The following SERGEF variants were observed in gnomAD, a reference collection of about 807,000 sequenced individuals.
The protein encoded by SERGEF is secretion-regulating guanine nucleotide exchange factor.
A neutral mutation model predicts 50.0 loss-of-function variants in SERGEF; 51 were observed. The observed-to-expected ratio is 1.02, with a 90% CI of 0.81 to 1.29. SERGEF has a LOEUF of 1.29. SERGEF is among the 50% of genes most tolerant of loss of function. The pLI is 0.00. For missense variants in SERGEF, 521 were observed against 557.0 expected (o/e 0.94, Z 0.65); for synonymous variants, 205 against 212.4 (o/e 0.97, Z 0.30).
At chr11:17,904,154 G>T (rs1161530306) in intron 9 of SERGEF, among the ~76,000 whole-genome samples, 1 of 152,250 alleles carries the variant, frequency 6.6e-6, no homozygotes, top group Non-Finnish European at 1.5e-5. Context: ...TGTTGATTTT[G>T]TATCAGAGGG....
chr11:17,900,209 G>A (rs1044824667), intron 9 of SERGEF, among the ~76,000 whole-genome samples: 2 of 152,162 alleles, frequency 1.3e-5, no homozygotes, highest in African/African-American at 4.8e-5. Context: ...CCTTATTTGA[G>A]CTATGTGACC....
chr11:17,803,102 G>A (rs1018522593), intron 10 of SERGEF, among the ~76,000 whole-genome samples: 1 of 152,232 alleles, frequency 6.6e-6, no homozygotes. Context: ...CCATCTACTG[G>A]GATCACCAAT....
chr11:18,011,223 C>T (rs1293768166), intron 1 of SERGEF, among the ~76,000 whole-genome samples: 2 of 151,888 alleles, frequency 1.3e-5, no homozygotes, highest in South Asian at 2.1e-4. Flanking sequence ...CCAAAATTCA[C>T]GTGTTGAAGC....
At chr11:17,854,712 A>G (rs1472445738) in intron 10 of SERGEF, 1 of 152,192 alleles carries the variant, frequency 6.6e-6, no homozygotes, top group Non-Finnish European at 1.5e-5. Flanking sequence ...CTGTTTCTCT[A>G]GTTGAACCTG....
intron 9 of SERGEF, among the ~76,000 whole-genome samples, chr11:17,958,807 A>G (rs1852929992): frequency 2.0e-5 from 3 of 152,092 alleles, no homozygotes; most frequent in Non-Finnish European, 2.9e-5. Flanking sequence ...CTCAAGTCTG[A>G]CCCATCCTCC....
intron 8 of SERGEF, among the ~76,000 whole-genome samples, chr11:17,969,895 C>G (rs554859008): frequency 6.6e-6 from 1 of 152,362 alleles, no homozygotes; most frequent in Non-Finnish European, 1.5e-5. Context: ...CATACACTAT[C>G]TGAGCCAGAA....
At chr11:17,877,404 C>T (rs559349746) in intron 10 of SERGEF, among the ~76,000 whole-genome samples, 1 of 152,298 alleles carries the variant, frequency 6.6e-6, no homozygotes, top group Admixed American at 6.5e-5. Flanking sequence ...TTACCAAAGC[C>T]CCTCCTAGGA....
chr11:17,962,263 A>T (rs969658035), intron 8 of SERGEF, among the ~76,000 whole-genome samples: 2 of 152,172 alleles, frequency 1.3e-5, no homozygotes, highest in African/African-American at 2.4e-5. Context: ...TCTTCCCAGG[A>T]GCCCATGTAG....
At chr11:18,012,909 G>A (rs1302538031) in intron 1 of SERGEF, 42 bp downstream of exon 1, 1 of 1,535,080 alleles carries the variant, frequency 6.5e-7, no homozygotes, top group South Asian at 1.2e-5. Flanking sequence ...ACATCTCGGC[G>A]CCCCTCAGGG....
At chr11:17,911,408 C>T (rs776549926) in intron 9 of SERGEF, among the ~76,000 whole-genome samples, 2 of 147,688 alleles carry the variant, frequency 1.4e-5, no homozygotes, top group East Asian at 2.0e-4. Flanking sequence ...TATATACACA[C>T]ACACATATAT....
intron 8 of SERGEF, among the ~76,000 whole-genome samples, chr11:17,979,929 T>C (rs1462211060): frequency 1.3e-5 from 2 of 152,170 alleles, no homozygotes; most frequent in Non-Finnish European, 2.9e-5. Flanking sequence ...AAGGGGAAAG[T>C]AATCAAACAA....
intron 9 of SERGEF, among the ~76,000 whole-genome samples, chr11:17,925,217 ACC>A: frequency 6.8e-6 from 1 of 147,304 alleles, no homozygotes. Context: ...ACAGTAACCC[ACC>A]AAGTCTCTAA....
rs532040567 is a variant in SERGEF, at chr11:17,953,037, G to A, written c.1011+6433C>T. ...ATTTGACATCAAGCCTTCCAATTCA[G>A]GAAGGCTTTCCAGTCACAACCTCCC... is the stretch of plus-strand genomic sequence containing the variant. On this transcript the variant is annotated intron_variant, in intron 9 of 10. Coordinates refer to ENST00000265965, the MANE Select transcript of SERGEF (RefSeq NM_012139.4). 3.9e-5 allele frequency among the ~76,000 whole-genome samples: 6 copies of A among 152,142 alleles called. No homozygotes were observed. In the East Asian group the frequency reaches 1.2e-3, roughly 29 times the overall value.
chr11:17,814,119 G>A (rs1040356017), intron 10 of SERGEF, among the ~76,000 whole-genome samples: 1 of 152,128 alleles, frequency 6.6e-6, no homozygotes, highest in African/African-American at 2.4e-5. Flanking sequence ...ACCCTTACAT[G>A]GTATGATGGT....
chr11:17,893,219 C>G (rs1036889465), intron 9 of SERGEF, among the ~76,000 whole-genome samples: 3 of 152,076 alleles, frequency 2.0e-5, no homozygotes, highest in Non-Finnish European at 2.9e-5. Context: ...TTTATTATGA[C>G]TTTTTTAAAT....
At chr11:17,806,995 A>T (rs1342844973) in intron 10 of SERGEF, among the ~76,000 whole-genome samples, 1 of 151,594 alleles carries the variant, frequency 6.6e-6, no homozygotes, top group Admixed American at 6.6e-5. Flanking sequence ...CTGATGCCGC[A>T]TCTCTCCCCC....
chr11:17,789,550 C>T (rs968921013), intron 10 of SERGEF, among the ~76,000 whole-genome samples: 1 of 152,114 alleles, frequency 6.6e-6, no homozygotes, highest in Non-Finnish European at 1.5e-5. Context: ...GGTCTAAACT[C>T]ATTCATGTTT....
intron 10 of SERGEF, 110 bp from the exon 11 acceptor site, chr11:17,788,523 G>T: frequency 1.1e-6 from 1 of 923,374 alleles, no homozygotes; most frequent in Non-Finnish European, 1.6e-6. Context: ...TCAGGAAGAC[G>T]CCAAAGCTTA....
At chr11:17,960,033 C>T (rs1852965406) in intron 8 of SERGEF, among the ~76,000 whole-genome samples, 1 of 152,208 alleles carries the variant, frequency 6.6e-6, no homozygotes, top group African/African-American at 2.4e-5. Context: ...TCTCCTCTCC[C>T]CCACCCAACC....
Sources: allele counts gnomAD v4.1 joint callset (sites outside exome capture counted in the v4.1 genomes callset), GRCh38; gene constraint gnomAD v4.1.1; transcripts MANE v1.5; gene names NCBI Gene and HGNC (gene_info 2026-07-23, HGNC 2026-07-21).